CSMD1: variants seen among roughly 807,000 people sequenced by gnomAD.
The protein encoded by CSMD1 is CUB and Sushi multiple domains 1.
A neutral mutation model predicts 417.5 loss-of-function variants in CSMD1; 213 were observed. That is an observed-to-expected ratio of 0.51 (90% CI 0.46 to 0.57). The LOEUF is 0.57. Among genes scored for constraint, CSMD1 ranks in the 20% least tolerant of loss-of-function variants. CSMD1 has a pLI of 0.00. For synonymous variants in CSMD1, 2,862 were observed against 1,736.8 expected (o/e 1.65, Z -16.11); for missense variants, 6,923 against 4,529.7 (o/e 1.53, Z -15.17).
chr8:3,049,933 G>A (rs7830499), intron 50 of CSMD1, among the ~76,000 whole-genome samples: 39,126 of 151,736 alleles, frequency 0.26, 5,794 homozygotes, highest in East Asian at 0.36. Context: ...AACTACTCTC[G>A]AGAACAACGT....
chr8:4,521,822 T>C (rs1367642470), intron 2 of CSMD1, among the ~76,000 whole-genome samples: 1 of 152,166 alleles, frequency 6.6e-6, no homozygotes, highest in Non-Finnish European at 1.5e-5. Flanking sequence ...GCCTACTGTA[T>C]GGTTACTCAA....
At chr8:3,717,532 G>A (rs1801910381) in intron 6 of CSMD1, among the ~76,000 whole-genome samples, 1 of 152,274 alleles carries the variant, frequency 6.6e-6, no homozygotes, top group East Asian at 1.9e-4. Context: ...GGCCATGAAA[G>A]ATTAGGTTCA....
chr8:3,794,567 T>C (rs1364550773), intron 5 of CSMD1, among the ~76,000 whole-genome samples: 3 of 152,068 alleles, frequency 2.0e-5, no homozygotes, highest in Admixed American at 1.3e-4. Flanking sequence ...ATCAAAGTGC[T>C]AGTAACCCAT....
At position 2,955,654 on chromosome 8, in the gene CSMD1, C is replaced by A. The variant is rs1402047337; in HGVS notation, c.9929G>T (p.Gly3310Val). The A allele has an allele frequency of 1.2e-6, 2 of 1,613,896 alleles. No homozygotes were observed. The highest frequency in any genetic ancestry group is 8.5e-7 in the Non-Finnish European group (1 of 1,179,844). ...YTCHPGFFLA[G>V]GSEHRTCKAD... ...TTTACATGTTCTGTGCTCAGATCCC[C>A]CTGCGAGGAAAAAGCCTGGATGGCA... Residue 3310 changes from glycine (G) to valine (V), a missense_variant, in exon 64 of 70, where the codon GGG becomes GTG. Transcript: ENST00000635120.
intron 5 of CSMD1, among the ~76,000 whole-genome samples, chr8:3,941,219 G>T (rs546708605): frequency 1.2e-4 from 19 of 152,160 alleles, no homozygotes; most frequent in African/African-American, 4.3e-4. Flanking sequence ...CAATTCAAAA[G>T]TTCCTAGCAA....
intron 2 of CSMD1, among the ~76,000 whole-genome samples, chr8:4,465,814 C>T (rs1045905114): frequency 3.3e-5 from 5 of 152,274 alleles, no homozygotes; most frequent in African/African-American, 7.2e-5. Flanking sequence ...TGCCAACCCA[C>T]CCCACATTCC....
At chr8:4,268,306 T>G (rs183057778) in intron 3 of CSMD1, among the ~76,000 whole-genome samples, 1 of 152,258 alleles carries the variant, frequency 6.6e-6, no homozygotes, top group Admixed American at 6.5e-5. Context: ...CAGCTACATA[T>G]AAAACCATTA....
At chr8:4,188,291 C>G (rs750526393) in intron 3 of CSMD1, among the ~76,000 whole-genome samples, 4 of 152,114 alleles carry the variant, frequency 2.6e-5, no homozygotes, top group Non-Finnish European at 4.4e-5. Flanking sequence ...CGGTCAATGT[C>G]CCCCGGTTGT....
chr8:4,393,213 T>G (rs1585005743), intron 3 of CSMD1, among the ~76,000 whole-genome samples: 1 of 152,010 alleles, frequency 6.6e-6, no homozygotes, highest in African/African-American at 2.4e-5. Flanking sequence ...TCAGCTAAAT[T>G]GATCTACCCA....
At chr8:3,256,225 G>T (rs1800640495) in intron 26 of CSMD1, among the ~76,000 whole-genome samples, 2 of 151,090 alleles carry the variant, frequency 1.3e-5, no homozygotes, top group South Asian at 2.1e-4. Flanking sequence ...TACTCAGGGG[G>T]CTGAGGCAGG....
intron 10 of CSMD1, among the ~76,000 whole-genome samples, chr8:3,509,288 A>T (rs1244963920): frequency 6.6e-6 from 1 of 152,234 alleles, no homozygotes; most frequent in East Asian, 1.9e-4. Context: ...ACTAAAAAAT[A>T]TATTTAAGCC....
At chr8:4,837,077 G>A (rs7001803) in intron 1 of CSMD1, among the ~76,000 whole-genome samples, 1,839 of 152,022 alleles carry the variant, frequency 0.012, 38 homozygotes, top group African/African-American at 0.042. Context: ...GGGACAGAAA[G>A]AAGTGGTAAT....
intron 1 of CSMD1, among the ~76,000 whole-genome samples, chr8:4,871,012 G>C (rs933176857): frequency 6.6e-6 from 1 of 152,118 alleles, no homozygotes; most frequent in Non-Finnish European, 1.5e-5. Flanking sequence ...CTGGGTGTCA[G>C]AGCTGTGCTC....
chr8:4,312,469 A>G (rs531494493), intron 3 of CSMD1, among the ~76,000 whole-genome samples: 1 of 144,318 alleles, frequency 6.9e-6, no homozygotes, highest in East Asian at 1.9e-4. Context: ...ATGCGCGTAT[A>G]TATATATATA....
chr8:4,264,676 C>A (rs1438544973), intron 3 of CSMD1, among the ~76,000 whole-genome samples: 1 of 152,130 alleles, frequency 6.6e-6, no homozygotes, highest in Non-Finnish European at 1.5e-5. Context: ...AGGTGGTCAT[C>A]CCCAGAATAA....
chr8:4,622,710 C>T (rs902518021), intron 2 of CSMD1, among the ~76,000 whole-genome samples: 6 of 152,110 alleles, frequency 3.9e-5, no homozygotes, highest in Non-Finnish European at 5.9e-5. Flanking sequence ...CATTACATCC[C>T]ACCTGTGCCT....
At chr8:4,821,134 C>T (rs1799498834) in intron 1 of CSMD1, among the ~76,000 whole-genome samples, 1 of 152,108 alleles carries the variant, frequency 6.6e-6, no homozygotes, top group African/African-American at 2.4e-5. Context: ...TCAGGCAAGA[C>T]GCCGAAACTT....
At chr8:3,418,238 C>G (rs191658256) in intron 12 of CSMD1, among the ~76,000 whole-genome samples, 43 of 152,262 alleles carry the variant, frequency 2.8e-4, no homozygotes, top group Admixed American at 2.2e-3. Context: ...GTGTGAAATG[C>G]TGGACTCTGG....
intron 6 of CSMD1, among the ~76,000 whole-genome samples, chr8:3,726,476 G>T (rs1294786993): frequency 6.6e-6 from 1 of 152,156 alleles, no homozygotes; most frequent in Admixed American, 6.5e-5. Context: ...GAGCCAGATG[G>T]GATGCTTTAA....
Sources: allele counts gnomAD v4.1 joint callset (sites outside exome capture counted in the v4.1 genomes callset), GRCh38; gene constraint gnomAD v4.1.1; transcripts MANE v1.5; gene names NCBI Gene and HGNC (gene_info 2026-07-23, HGNC 2026-07-21).